WDPCP: variants seen among roughly 807,000 people sequenced by gnomAD.
The protein encoded by WDPCP is WD repeat containing planar cell polarity effector.
WDPCP carries 71 observed loss-of-function variants against 93.1 expected under a neutral mutation model. The ratio of observed to expected loss-of-function variants is 0.76; its 90% CI spans 0.63 to 0.93. The LOEUF (loss-of-function observed/expected upper bound fraction) is 0.93. WDPCP is among the 40% of genes least tolerant of loss of function. WDPCP has a pLI of 0.00. For synonymous variants in WDPCP, 315 were observed against 315.0 expected (o/e 1.00, Z 0.00); for missense variants, 844 against 887.4 (o/e 0.95, Z 0.62).
chr2:63,165,478 T>C (rs1425132178), intron 15 of WDPCP, among the ~76,000 whole-genome samples: 1 of 152,014 alleles, frequency 6.6e-6, no homozygotes, highest in African/African-American at 2.4e-5. Flanking sequence ...TGTGGAAAAG[T>C]TTTTCTTTAT....
chr2:63,484,555 T>A, intron 6 of WDPCP, 49 bp downstream of exon 6: 1 of 1,606,088 alleles, frequency 6.2e-7, no homozygotes, highest in Non-Finnish European at 8.5e-7. Context: ...ACTACATAGT[T>A]TTCAGCTCCA....
intron 2 of WDPCP, among the ~76,000 whole-genome samples, chr2:63,723,152 G>C (rs1227702762): frequency 1.3e-5 from 2 of 151,670 alleles, no homozygotes; most frequent in African/African-American, 4.8e-5. Context: ...CACTGCGGAA[G>C]GCCGCAGGGT....
At chr2:63,495,507 G>A (rs1701169602) in intron 1 of WDPCP, among the ~76,000 whole-genome samples, 1 of 152,208 alleles carries the variant, frequency 6.6e-6, no homozygotes, top group African/African-American at 2.4e-5. Context: ...GGACTGGAAT[G>A]TTTGTTTTAA....
At chr2:63,596,208 T>G (rs893060733) in intron 3 of WDPCP, among the ~76,000 whole-genome samples, 1 of 152,220 alleles carries the variant, frequency 6.6e-6, no homozygotes, top group Non-Finnish European at 1.5e-5. Context: ...TCATAGTCTT[T>G]CTTTTGGTAA....
chr2:63,741,764 A>G (rs551944254), intron 2 of WDPCP, among the ~76,000 whole-genome samples: 9 of 152,244 alleles, frequency 5.9e-5, no homozygotes, highest in African/African-American at 2.2e-4. Flanking sequence ...AGCACAACAA[A>G]TAAAGCCCCC....
chr2:63,423,119 C>A (rs551622086), intron 9 of WDPCP, among the ~76,000 whole-genome samples: 53 of 152,294 alleles, frequency 3.5e-4, no homozygotes, highest in African/African-American at 1.2e-3. Flanking sequence ...AGTTCTATTT[C>A]CTCACTTGGG....
chr2:63,265,375 C>A (rs1300351980), intron 13 of WDPCP, among the ~76,000 whole-genome samples: 2 of 152,002 alleles, frequency 1.3e-5, no homozygotes, highest in Non-Finnish European at 2.9e-5. Context: ...CAAAGAATCA[C>A]AACATACTAC....
chr2:63,496,020 T>C (rs181498175), intron 1 of WDPCP, among the ~76,000 whole-genome samples: 44 of 152,270 alleles, frequency 2.9e-4, no homozygotes, highest in Admixed American at 2.2e-3. Context: ...TCCTCTGACA[T>C]TGAGCATCAA....
intron 2 of WDPCP, among the ~76,000 whole-genome samples, chr2:63,780,170 G>T (rs1437992571): frequency 6.6e-6 from 1 of 152,054 alleles, no homozygotes; most frequent in East Asian, 1.9e-4. Context: ...CACATTTTCA[G>T]CTATGCACAG....
chr2:63,309,867 C>A (rs1686047962), intron 13 of WDPCP, among the ~76,000 whole-genome samples: 1 of 151,866 alleles, frequency 6.6e-6, no homozygotes, highest in Admixed American at 6.6e-5. Context: ...AAAAAGAAAC[C>A]ACAAGGGAAA....
At chr2:63,128,008 G>A (rs1022236566) in intron 17 of WDPCP, among the ~76,000 whole-genome samples, 1 of 151,882 alleles carries the variant, frequency 6.6e-6, no homozygotes, top group South Asian at 2.1e-4. Context: ...GTGTGGTAGC[G>A]TGCTTCTGTA....
At chr2:63,721,963 G>T (rs1021765909) in intron 2 of WDPCP, among the ~76,000 whole-genome samples, 8 of 152,106 alleles carry the variant, frequency 5.3e-5, no homozygotes, top group Non-Finnish European at 8.8e-5. Context: ...GCCCCTAACC[G>T]CAAGTGATCC....
the WDPCP span, among the ~76,000 whole-genome samples, chr2:63,837,349 G>A: frequency 1.3e-5 from 2 of 152,218 alleles, no homozygotes; most frequent in African/African-American, 4.8e-5. Context: ...TGCTGACTGA[G>A]TAACAGTAGC....
chr2:63,573,364 G>T (rs184777705), intron 1 of WDPCP, among the ~76,000 whole-genome samples: 26 of 152,300 alleles, frequency 1.7e-4, no homozygotes, highest in African/African-American at 6.0e-4. Context: ...CATGGCAGAA[G>T]AATGTGGATT....
At chr2:63,354,411 G>A (rs1183238226) in intron 12 of WDPCP, among the ~76,000 whole-genome samples, 1 of 152,152 alleles carries the variant, frequency 6.6e-6, no homozygotes, top group Admixed American at 6.5e-5. Context: ...AGCTTAAGTA[G>A]GCACCCCAGG....
intron 3 of WDPCP, among the ~76,000 whole-genome samples, chr2:63,644,324 A>C (rs1710022379): frequency 7.0e-6 from 1 of 143,802 alleles, no homozygotes; most frequent in South Asian, 2.2e-4. Context: ...AGCTCATTGC[A>C]ACCTCCGCCT....
chr2:63,819,388 C>T (rs1356641652), intron 1 of WDPCP, among the ~76,000 whole-genome samples: 1 of 151,502 alleles, frequency 6.6e-6, no homozygotes, highest in African/African-American at 2.4e-5. Context: ...TTACTAATGG[C>T]TGTGAGTTCC....
At chr2:63,137,346 G>T (rs1456707399) in intron 17 of WDPCP, among the ~76,000 whole-genome samples, 2 of 151,992 alleles carry the variant, frequency 1.3e-5, no homozygotes, top group African/African-American at 4.8e-5. Context: ...TTTCATGATT[G>T]TTGTTTGTAT....
At chr2:63,725,366 G>A (rs973472780) in intron 2 of WDPCP, among the ~76,000 whole-genome samples, 3 of 152,158 alleles carry the variant, frequency 2.0e-5, no homozygotes, top group Non-Finnish European at 4.4e-5. Context: ...TTGCTGCAAA[G>A]GACATAGTTT....
Sources: gnomAD v4.1 joint callset for allele counts (sites outside exome capture counted in the v4.1 genomes callset) on GRCh38, gnomAD v4.1.1 for gene constraint, MANE v1.5 for transcripts, NCBI Gene and HGNC (gene_info 2026-07-23, HGNC 2026-07-21) for gene names.